THSD4: variants seen among roughly 807,000 people sequenced by gnomAD.
THSD4 encodes the protein thrombospondin type 1 domain containing 4.
THSD4 carries 69 observed loss-of-function variants against 119.0 expected under a neutral mutation model. The observed-to-expected ratio is 0.58, with a 90% CI of 0.48 to 0.71. The LOEUF (loss-of-function observed/expected upper bound fraction) is 0.71, where lower values mean the gene tolerates loss of function less well. Ranked by LOEUF, THSD4 falls within the 30% of genes least tolerant of loss-of-function variation. The pLI, the probability that THSD4 is intolerant of heterozygous loss-of-function variation, is 0.00. For synonymous variants in THSD4, 524 were observed against 540.4 expected (o/e 0.97, Z 0.42); for missense variants, 1,393 against 1,391.1 (o/e 1.00, Z -0.02).
intron 7 of THSD4, among the ~76,000 whole-genome samples, chr15:71,521,481 G>A (rs565704047): frequency 2.0e-5 from 3 of 152,208 alleles, no homozygotes; most frequent in Admixed American, 6.5e-5. Context: ...TGGATGATCG[G>A]ATCTCAGTTT....
intron 3 of THSD4, 112 bp downstream of exon 3, chr15:71,155,044 G>T (rs563147886): frequency 2.0e-6 from 2 of 976,834 alleles, no homozygotes; most frequent in South Asian, 1.3e-5. Flanking sequence ...GATCCTGAAA[G>T]GAAGCACCAT....
chr15:71,493,219 C>T (rs1057216473), intron 7 of THSD4, among the ~76,000 whole-genome samples: 2 of 152,208 alleles, frequency 1.3e-5, no homozygotes, highest in South Asian at 2.1e-4. Flanking sequence ...GTGAGAATGG[C>T]GGATTTTTTT....
chr15:71,425,493 C>T (rs779201280), intron 7 of THSD4, among the ~76,000 whole-genome samples: 1 of 152,296 alleles, frequency 6.6e-6, no homozygotes, highest in Non-Finnish European at 1.5e-5. Flanking sequence ...CCACCTGCAG[C>T]TCCACAGCGC....
chr15:71,367,477 C>G (rs998815370), intron 6 of THSD4, among the ~76,000 whole-genome samples: 1 of 152,200 alleles, frequency 6.6e-6, no homozygotes, highest in African/African-American at 2.4e-5. Context: ...TGTTCCCCTT[C>G]CTGTGTCCAA....
At chr15:71,746,017 A>G (rs2053330323) in intron 12 of THSD4, among the ~76,000 whole-genome samples, 1 of 152,216 alleles carries the variant, frequency 6.6e-6, no homozygotes, top group Admixed American at 6.5e-5. Context: ...AAGGGTCAAA[A>G]CCTAATTTGC....
chr15:71,636,988 G>A (rs547328398), intron 7 of THSD4, among the ~76,000 whole-genome samples: 1 of 151,862 alleles, frequency 6.6e-6, no homozygotes, highest in East Asian at 1.9e-4. Context: ...GAGTTCAAGT[G>A]ATTTCCCCAC....
At chr15:71,140,510 CA>C (rs2040592269) in intron 1 of THSD4, among the ~76,000 whole-genome samples, 1 of 152,118 alleles carries the variant, frequency 6.6e-6, no homozygotes, top group African/African-American at 2.4e-5. Context: ...ACCCCACCTC[CA>C]ATACTGGGAA....
intron 8 of THSD4, among the ~76,000 whole-genome samples, chr15:71,696,935 T>G (rs2052176846): frequency 6.6e-6 from 1 of 152,064 alleles, no homozygotes; most frequent in South Asian, 2.1e-4. Flanking sequence ...CAACACGAGG[T>G]GTCCAGGTCG....
At position 71,313,267 on chromosome 15, in the gene THSD4, C is replaced by T. The variant is rs577823067; in HGVS notation, c.1015+56552C>T. On this transcript the variant is annotated intron_variant, in intron 6 of 17. Coordinates refer to ENST00000261862, the MANE Select transcript of THSD4 (RefSeq NM_024817.3). Reference sequence around the variant, plus strand: ...GCCCCTGGTATCCCTTTGGCACAACCCCGTCATTCTGTGTGTGTACATGCA... The same window carrying T: ...GCCCCTGGTATCCCTTTGGCACAACTCCGTCATTCTGTGTGTGTACATGCA... Among the ~76,000 whole-genome samples the T allele has an allele frequency of 7.4e-5, 11 of 147,812 alleles. No individual in the cohort carries two copies. The South Asian group carries it at 2.3e-3, about 31-fold the overall frequency.
At chr15:71,504,290 G>A (rs2048157294) in intron 7 of THSD4, among the ~76,000 whole-genome samples, 1 of 152,180 alleles carries the variant, frequency 6.6e-6, no homozygotes. Context: ...ATATGTTGAA[G>A]AAATCCATGA....
chr15:71,653,642 G>A (rs2051135273), intron 7 of THSD4, among the ~76,000 whole-genome samples: 1 of 152,214 alleles, frequency 6.6e-6, no homozygotes, highest in Non-Finnish European at 1.5e-5. Flanking sequence ...GCAGGCAGGA[G>A]GATGAGAAGC....
chr15:71,496,729 C>T (rs117699889), intron 7 of THSD4, among the ~76,000 whole-genome samples: 18 of 152,270 alleles, frequency 1.2e-4, no homozygotes, highest in Non-Finnish European at 2.4e-4. Context: ...TGGAATAAAA[C>T]TAGGGTTCTG....
At chr15:71,674,452 G>A (rs1357126275) in intron 8 of THSD4, among the ~76,000 whole-genome samples, 1 of 152,110 alleles carries the variant, frequency 6.6e-6, no homozygotes, top group Non-Finnish European at 1.5e-5. Context: ...AACCCTATTA[G>A]TTCCCATATC....
intron 7 of THSD4, among the ~76,000 whole-genome samples, chr15:71,447,797 A>G (rs1201603239): frequency 1.3e-5 from 2 of 152,136 alleles, no homozygotes; most frequent in African/African-American, 4.8e-5. Context: ...GGGCTAATAA[A>G]CATGCACTTA....
At position 71,613,562 on chromosome 15, in the gene THSD4, C is replaced by G. The variant is rs527378868; in HGVS notation, c.1153-46968C>G. The stretch of plus-strand genomic sequence containing the variant: ...GTCACAATCTATTAAATTTCTCTTC[C>G]TTATCTAGACCCTCTCATTTTCACA... On this transcript the variant is annotated intron_variant, in intron 7 of 17. Transcript: ENST00000261862. 3.3e-5 allele frequency among the ~76,000 whole-genome samples: 5 copies of G among 152,268 alleles called. No individual in the cohort carries two copies. In the East Asian group the frequency reaches 9.6e-4, roughly 29 times the overall value.
intron 7 of THSD4, among the ~76,000 whole-genome samples, chr15:71,598,093 C>T (rs553644382): frequency 4.6e-5 from 7 of 151,938 alleles, no homozygotes; most frequent in East Asian, 3.9e-4. Context: ...CAAAGAGGAC[C>T]GGTCAAGAGA....
intron 8 of THSD4, among the ~76,000 whole-genome samples, chr15:71,680,206 A>G (rs886675947): frequency 2.6e-5 from 4 of 152,156 alleles, no homozygotes; most frequent in African/African-American, 7.2e-5. Flanking sequence ...CTAAAGCAGT[A>G]CTTTTGAAAC....
intron 15 of THSD4, among the ~76,000 whole-genome samples, chr15:71,762,628 C>T (rs1208992758): frequency 6.6e-6 from 1 of 152,194 alleles, no homozygotes; most frequent in Admixed American, 6.5e-5. Flanking sequence ...AGAGGCCAGA[C>T]CTTTGCCTGC....
chr15:71,724,448 G>C (rs1157566906), intron 8 of THSD4, among the ~76,000 whole-genome samples: 1 of 151,038 alleles, frequency 6.6e-6, no homozygotes, highest in Non-Finnish European at 1.5e-5. Flanking sequence ...ACCACGCCCA[G>C]CTAATTTTTT....
Sources: allele counts gnomAD v4.1 joint callset (sites outside exome capture counted in the v4.1 genomes callset), GRCh38; gene constraint gnomAD v4.1.1; transcripts MANE v1.5; gene names NCBI Gene and HGNC (gene_info 2026-07-23, HGNC 2026-07-21).